The following ABCB11 variants were observed in gnomAD, a reference collection of about 807,000 sequenced individuals.
The protein encoded by ABCB11 is ATP binding cassette subfamily B member 11.
In ABCB11, 95 loss-of-function variants were observed where a neutral mutation model predicts 148.0. The observed-to-expected ratio is 0.64, with a 90% confidence interval of 0.54 to 0.76. The LOEUF is 0.76. Among genes scored for constraint, ABCB11 ranks in the 30% least tolerant of loss-of-function variants. The pLI, the probability that ABCB11 is intolerant of heterozygous loss-of-function variation, is 0.00. For missense variants in ABCB11, 1,523 were observed against 1,617.8 expected (o/e 0.94, Z 1.01); for synonymous variants, 591 against 555.4 (o/e 1.06, Z -0.90).
intron 8 of ABCB11, among the ~76,000 whole-genome samples, chr2:168,993,334 C>T (rs1185367250): frequency 3.3e-5 from 5 of 151,998 alleles, no homozygotes; most frequent in Non-Finnish European, 7.4e-5. Flanking sequence ...ACTCTGCCAG[C>T]TGTGCAGTCC....
intron 14 of ABCB11, 23 bp from the exon 15 acceptor site, chr2:168,970,238 C>A (rs2105960307): frequency 6.2e-7 from 1 of 1,604,416 alleles, no homozygotes; most frequent in Non-Finnish European, 8.5e-7. Flanking sequence ...TGACACCAGT[C>A]ATGAAGGGAA....
At chr2:168,984,298 T>C (rs1269629592) in intron 10 of ABCB11, among the ~76,000 whole-genome samples, 2 of 152,176 alleles carry the variant, frequency 1.3e-5, no homozygotes, top group Non-Finnish European at 2.9e-5. Context: ...TTATTGCTTG[T>C]CTTCTCCATT....
rs4148778 is a variant in ABCB11, at chr2:169,012,952, A to G, written c.389+320T>C. On this transcript the variant is annotated intron_variant, in intron 5 of 27. Coordinates refer to ENST00000650372, the MANE Select transcript of ABCB11 (RefSeq NM_003742.4). Reference sequence around the variant, plus strand: ...GAACTCTTGGAGATGATACTCAAGTAAAATTCATGGGTCACCTCCCTAGTG... The same window carrying G: ...GAACTCTTGGAGATGATACTCAAGTGAAATTCATGGGTCACCTCCCTAGTG... 0.05 allele frequency among the ~76,000 whole-genome samples: 7,624 copies of G among 152,092 alleles called. 221 individuals are homozygous for G. Among genetic ancestry groups the G allele is most frequent in the African/African-American group, 0.066 (2,722 of 41,512 alleles).
intron 19 of ABCB11, among the ~76,000 whole-genome samples, chr2:168,957,369 T>C (rs1423351693): frequency 6.6e-6 from 1 of 151,686 alleles, no homozygotes; most frequent in Non-Finnish European, 1.5e-5. Context: ...CTGATACATG[T>C]TCATAGTTAT....
chr2:168,997,845 A>G (rs1694762596), intron 5 of ABCB11, among the ~76,000 whole-genome samples: 1 of 152,026 alleles, frequency 6.6e-6, no homozygotes, highest in African/African-American at 2.4e-5. Flanking sequence ...GTAGATTGCA[A>G]GCTACTCAAG....
At chr2:168,978,138 T>C (rs1348233589) in intron 11 of ABCB11, among the ~76,000 whole-genome samples, 2 of 131,762 alleles carry the variant, frequency 1.5e-5, no homozygotes, top group Non-Finnish European at 3.3e-5. Context: ...TTGACTTTTT[T>C]TTTTTTTTTT....
rs75042652 is a variant in ABCB11, at chr2:168,941,058, G to C, written c.2610+3547C>G. ...GTGCTCTGACGGAGATGTACAAGGAGATGAATGTTGTTGTGCTTGTTAACC... is the reference window on the plus strand; with the variant it reads ...GTGCTCTGACGGAGATGTACAAGGACATGAATGTTGTTGTGCTTGTTAACC... On this transcript the variant is annotated intron_variant, in intron 21 of 27. Transcript: ENST00000650372. 3.2e-3 allele frequency among the ~76,000 whole-genome samples: 485 copies of C among 152,172 alleles called. 4 individuals carry two copies. Among genetic ancestry groups the C allele is most frequent in the African/African-American group, 0.011 (465 of 41,532 alleles).
chr2:168,999,164 G>T (rs910202593), intron 5 of ABCB11, among the ~76,000 whole-genome samples: 1 of 151,986 alleles, frequency 6.6e-6, no homozygotes, highest in Admixed American at 6.6e-5. Context: ...TAGCAAAGAA[G>T]GGAGAGAGAT....
At chr2:168,960,382 C>G (rs1177692333) in intron 18 of ABCB11, among the ~76,000 whole-genome samples, 1 of 151,690 alleles carries the variant, frequency 6.6e-6, no homozygotes, top group Non-Finnish European at 1.5e-5. Flanking sequence ...TCACTAAATT[C>G]TGCCAGCTTC....
At chr2:169,011,314 G>A (rs1018408145) in intron 5 of ABCB11, among the ~76,000 whole-genome samples, 1 of 152,036 alleles carries the variant, frequency 6.6e-6, no homozygotes, top group Non-Finnish European at 1.5e-5. Flanking sequence ...TTCTCCAAGG[G>A]GAGAATGATT....
At position 168,966,826 on chromosome 2, in the gene ABCB11, C is replaced by T. The variant is rs1234120350; in HGVS notation, c.2075+1601G>A. ...TTCATACTCAAATGTACAAATCTTTCTCTGCAGGAGGTTAATAGCTACTTT... is the reference window on the plus strand; with the variant it reads ...TTCATACTCAAATGTACAAATCTTTTTCTGCAGGAGGTTAATAGCTACTTT... On this transcript the variant is annotated intron_variant, in intron 17 of 27. Coordinates refer to ENST00000650372, the MANE Select transcript of ABCB11 (RefSeq NM_003742.4). Among the ~76,000 whole-genome samples, 3 of 151,968 alleles carry T rather than the reference C, an allele frequency of 2.0e-5. No homozygotes were observed. The East Asian group carries it at 5.9e-4, about 30-fold the overall frequency.
chr2:168,923,276 A>C lies in ABCB11; in HGVS notation c.*346T>G. On this transcript the variant is annotated 3_prime_UTR_variant, in exon 28 of 28. Transcript: ENST00000650372. ...CTGCCCTTGAGGAGTTCAAAGTGTCACTTACTCCCTGATGTCTCACTAATT... is the reference window on the plus strand; with the variant it reads ...CTGCCCTTGAGGAGTTCAAAGTGTCCCTTACTCCCTGATGTCTCACTAATT... 3.0e-6 allele frequency: 1 copy of C among 334,040 alleles called. No individual in the cohort carries two copies. The highest frequency in any genetic ancestry group is 5.5e-6 in the Non-Finnish European group (1 of 181,576). The allele number at this position is 334,040 out of a possible 1,614,324, so 20.7% of individuals were successfully genotyped here. A position where few individuals can be genotyped will look rare whatever the true frequency, so the allele number is the denominator to read the frequency against.
chr2:168,973,964 C>A, intron 12 of ABCB11, 124 bp from the exon 13 acceptor site: 1 of 1,048,476 alleles, frequency 9.5e-7, no homozygotes, highest in South Asian at 1.7e-5. Flanking sequence ...TGTATGCCCC[C>A]AAAGCAACGT....
chr2:168,957,748 A>G (rs186506131), intron 19 of ABCB11, among the ~76,000 whole-genome samples: 13 of 151,722 alleles, frequency 8.6e-5, no homozygotes, highest in Admixed American at 8.5e-4. Flanking sequence ...TATAGGTACA[A>G]TGACTGTCTG....
At chr2:168,998,914 G>A (rs543159380) in intron 5 of ABCB11, among the ~76,000 whole-genome samples, 40 of 152,136 alleles carry the variant, frequency 2.6e-4, no homozygotes, top group African/African-American at 9.6e-4. Context: ...AATATTTCTG[G>A]AACAACAGAA....
intron 19 of ABCB11, among the ~76,000 whole-genome samples, chr2:168,955,076 T>C (rs556154470): frequency 6.6e-6 from 1 of 151,802 alleles, no homozygotes; most frequent in African/African-American, 2.4e-5. Context: ...CTTCAATGAA[T>C]TTTTGAGTTC....
chr2:168,952,784 G>T (rs1692628570), intron 19 of ABCB11, among the ~76,000 whole-genome samples: 1 of 143,958 alleles, frequency 6.9e-6, no homozygotes. Flanking sequence ...CTAGTTTCTT[G>T]AAGTGCAATG....
chr2:168,983,944 G>T (rs1291969472), intron 10 of ABCB11, among the ~76,000 whole-genome samples: 1 of 151,982 alleles, frequency 6.6e-6, no homozygotes, highest in African/African-American at 2.4e-5. Context: ...ACTGTCTGAG[G>T]GTAGAAACGG....
intron 3 of ABCB11, among the ~76,000 whole-genome samples, 186 bp downstream of exon 3, chr2:169,016,592 G>C (rs1386662637): frequency 1.3e-5 from 2 of 152,086 alleles, no homozygotes; most frequent in Non-Finnish European, 2.9e-5. Flanking sequence ...TAACCTAGAA[G>C]GGATATTCCA....
Sources: gnomAD v4.1 joint callset for allele counts (sites outside exome capture counted in the v4.1 genomes callset) on GRCh38, gnomAD v4.1.1 for gene constraint, MANE v1.5 for transcripts, NCBI Gene and HGNC (gene_info 2026-07-23, HGNC 2026-07-21) for gene names.